Variants in FBXL13 observed in about 807,000 individuals in gnomAD.
FBXL13 encodes the protein F-box and leucine rich repeat protein 13, also known as F-box and leucine-rich repeat protein 13.
A neutral mutation model predicts 83.6 loss-of-function variants in FBXL13; 67 were observed. That is an observed-to-expected ratio of 0.80 (90% confidence interval 0.66 to 0.98). The LOEUF (loss-of-function observed/expected upper bound fraction) is 0.98, where lower values mean the gene tolerates loss of function less well. Ranked by LOEUF, FBXL13 falls within the 50% of genes least tolerant of loss-of-function variation. The pLI is 0.00. For synonymous variants in FBXL13, 272 were observed against 299.5 expected, an observed-to-expected ratio of 0.91 and a Z score of 0.95; for missense variants, 822 against 866.5, an observed-to-expected ratio of 0.95 and a Z score of 0.64.
intron 11 of FBXL13, among the ~76,000 whole-genome samples, chr7:102,912,671 A>AT (rs1814922725): frequency 1.4e-5 from 1 of 73,628 alleles, no homozygotes; most frequent in African/African-American, 4.4e-5. Context: ...ATAGCATTTT[A>AT]CCCCCCCCCC....
chr7:102,819,673 T>C lies in FBXL13; in HGVS notation c.2018+2367A>G, dbSNP rs528818071. Among the ~76,000 whole-genome samples, 248 of 152,298 alleles carry C rather than the reference T, an allele frequency of 1.6e-3. 1 individual carries two copies. Among genetic ancestry groups the C allele is most frequent in the African/African-American group, 5.5e-3 (228 of 41,576 alleles). On this transcript the variant is annotated intron_variant, in intron 19 of 19. Transcript: ENST00000313221. Reference sequence around the variant, plus strand: ...GCATTGCTTTGTGATTCAAAGACATTGAGCTTCTTCCCAAGCCAGAAAAAT... The same window carrying C: ...GCATTGCTTTGTGATTCAAAGACATCGAGCTTCTTCCCAAGCCAGAAAAAT...
intron 2 of FBXL13, among the ~76,000 whole-genome samples, chr7:103,036,066 G>A (rs1795036942): frequency 6.6e-6 from 1 of 152,182 alleles, no homozygotes; most frequent in Non-Finnish European, 1.5e-5. Context: ...TCTCATGGGA[G>A]CACGAACCCC....
At chr7:102,925,695 G>A (rs578107416) in intron 10 of FBXL13, among the ~76,000 whole-genome samples, 146 of 151,888 alleles carry the variant, frequency 9.6e-4, no homozygotes, top group Non-Finnish European at 1.8e-3. Flanking sequence ...TAATTCCAGC[G>A]CTTTGGGAGG....
chr7:102,886,742 G>A (rs1810849170), intron 11 of FBXL13, among the ~76,000 whole-genome samples: 1 of 152,096 alleles, frequency 6.6e-6, no homozygotes, highest in Non-Finnish European at 1.5e-5. Flanking sequence ...CTATTCAGTA[G>A]GTTCCCCTTC....
At chr7:102,937,678 C>T (rs1820597754) in intron 8 of FBXL13, among the ~76,000 whole-genome samples, 1 of 152,016 alleles carries the variant, frequency 6.6e-6, no homozygotes, top group Non-Finnish European at 1.5e-5. Context: ...TTATTAAATT[C>T]CCTTTGGTAG....
rs3045618 is a variant in FBXL13 at position 102,831,394 on chromosome 7, GACACAC to G, written c.1854+1440_1854+1445del. ...GCTGTTAAACATCTACAGTGCCCGG[GACACAC>G]ACACACACACACACACACACACACA... On this transcript the variant is annotated intron_variant, in intron 18 of 19. Coordinates refer to ENST00000313221, the Ensembl canonical transcript of FBXL13. Among the ~76,000 whole-genome samples, 167 of 141,648 alleles carry G rather than the reference GACACAC, an allele frequency of 1.2e-3. 3 individuals are homozygous for G. The South Asian group carries it at 0.028, about 24-fold the overall frequency. 92.9% of individuals were successfully genotyped at this position (141,648 alleles called of 152,430 possible). A position where few individuals can be genotyped will look rare whatever the true frequency, so the allele number is the denominator to read the frequency against.
At chr7:102,963,580 A>G in exon 8 of FBXL13, 1 of 1,613,122 alleles carries the variant, frequency 6.2e-7, no homozygotes, top group Non-Finnish European at 8.5e-7. Context: ...ACGAAAATTC[A>G]AACGCAGCAC....
At chr7:102,911,313 T>C (rs1345442734) in intron 11 of FBXL13, among the ~76,000 whole-genome samples, 2 of 152,190 alleles carry the variant, frequency 1.3e-5, no homozygotes, top group Non-Finnish European at 2.9e-5. Context: ...AATTGCCTCA[T>C]GGTAACTGAG....
chr7:102,996,793 A>AT (rs1169799202), intron 6 of FBXL13, among the ~76,000 whole-genome samples: 1 of 152,216 alleles, frequency 6.6e-6, no homozygotes, highest in Non-Finnish European at 1.5e-5. Context: ...TATTGCAATC[A>AT]TAAGACAAGC....
At chr7:103,074,664 G>A (rs750164542), upstream of FBXL13, 4 of 1,281,894 alleles carry the variant, frequency 3.1e-6, no homozygotes, top group South Asian at 3.7e-5. Context: ...CCCCACCGAC[G>A]GTCTGTGTCC....
intron 11 of FBXL13, among the ~76,000 whole-genome samples, chr7:102,907,293 C>T (rs1340886588): frequency 2.0e-5 from 3 of 152,050 alleles, no homozygotes; most frequent in Non-Finnish European, 4.4e-5. Flanking sequence ...TTCTAGATCC[C>T]GTAGGTGTGC....
At chr7:103,033,151 G>GT (rs931832080) in intron 2 of FBXL13, among the ~76,000 whole-genome samples, 8 of 152,082 alleles carry the variant, frequency 5.3e-5, no homozygotes, top group African/African-American at 9.7e-5. Context: ...ACTAAGAAAG[G>GT]TTTTTTTGTT....
rs183278180 is a variant in FBXL13, at chr7:102,917,071, T to G, written c.879-3856A>C. 3.5e-3 allele frequency among the ~76,000 whole-genome samples: 540 copies of G among 152,292 alleles called. 2 individuals are homozygous for G. Among genetic ancestry groups the G allele is most frequent in the Middle Eastern group, 0.01 (3 of 294 alleles). On this transcript the variant is annotated intron_variant, in intron 10 of 19. Transcript: ENST00000313221. ...TACTCTGTAAAAGAGGGAATTTGCA[T>G]GTGGATTCTTTTGAGTTGAGTGTTG...
At chr7:103,002,491 T>C (rs1018564838) in intron 6 of FBXL13, among the ~76,000 whole-genome samples, 2 of 152,230 alleles carry the variant, frequency 1.3e-5, no homozygotes, top group African/African-American at 2.4e-5. Flanking sequence ...AATACTTACT[T>C]TTGCCAGTGA....
chr7:102,925,897 T>A (rs1232505757), intron 10 of FBXL13, among the ~76,000 whole-genome samples: 4 of 142,706 alleles, frequency 2.8e-5, no homozygotes, highest in Non-Finnish European at 6.0e-5. Context: ...GCTAAGATCA[T>A]GCCACTGCAC....
intron 2 of FBXL13, among the ~76,000 whole-genome samples, chr7:103,036,387 G>A (rs78689839): frequency 0.016 from 2,382 of 151,924 alleles, 66 homozygotes; most frequent in African/African-American, 0.055. Context: ...TAATAACAAT[G>A]GCAAAAAGAA....
At chr7:102,873,535 T>A (rs897721034) in intron 16 of FBXL13, among the ~76,000 whole-genome samples, 2 of 152,236 alleles carry the variant, frequency 1.3e-5, no homozygotes, top group African/African-American at 4.8e-5. Context: ...GATGACTACT[T>A]GATAATTGGT....
chr7:103,056,799 C>T (rs773467977), intron 1 of FBXL13, among the ~76,000 whole-genome samples: 1 of 152,042 alleles, frequency 6.6e-6, no homozygotes, highest in Non-Finnish European at 1.5e-5. Flanking sequence ...GTTCCCTTTT[C>T]ACTGCATCCA....
At chr7:102,969,582 G>T (rs1268198389) in intron 6 of FBXL13, among the ~76,000 whole-genome samples, 1 of 152,094 alleles carries the variant, frequency 6.6e-6, no homozygotes, top group Non-Finnish European at 1.5e-5. Context: ...GTCGAGGCAG[G>T]TGGATTGCTT....
Sources: allele counts gnomAD v4.1 joint callset (sites outside exome capture counted in the v4.1 genomes callset), GRCh38; gene constraint gnomAD v4.1.1; transcripts MANE v1.5; gene names NCBI Gene and HGNC (gene_info 2026-07-23, HGNC 2026-07-21).